The following HIVEP1 variants were observed in gnomAD, a reference collection of about 807,000 sequenced individuals.
HIVEP1 encodes the protein HIVEP zinc finger 1.
In HIVEP1, 36 loss-of-function variants were observed where a neutral mutation model predicts 180.0. That is an observed-to-expected ratio of 0.20 (90% CI 0.15 to 0.26). HIVEP1 has a LOEUF of 0.26. HIVEP1 is among the 10% of genes least tolerant of loss of function. HIVEP1 has a pLI of 1.00. For missense variants in HIVEP1, 3,143 were observed against 3,268.7 expected (o/e 0.96, Z 0.94); for synonymous variants, 1,239 against 1,239.0 (o/e 1.00, Z 0.00).
chr6:12,099,632 T>TG (rs1773993217), intron 3 of HIVEP1, among the ~76,000 whole-genome samples: 1 of 152,110 alleles, frequency 6.6e-6, no homozygotes, highest in Non-Finnish European at 1.5e-5. Flanking sequence ...CACCTCTGCC[T>TG]GGGGTCTCCT....
chr6:12,148,644 C>T (rs1476052608), intron 7 of HIVEP1, among the ~76,000 whole-genome samples: 1 of 152,118 alleles, frequency 6.6e-6, no homozygotes, highest in Non-Finnish European at 1.5e-5. Flanking sequence ...TGCTAGAAAC[C>T]ACACCGGGAT....
At chr6:12,015,384 A>T in intron 1 of HIVEP1, 142 bp from the exon 2 acceptor site, 1 of 391,768 alleles carries the variant, frequency 2.6e-6, no homozygotes, top group Non-Finnish European at 4.5e-6. Flanking sequence ...GTTTAATTAA[A>T]AGTTAGTAAT....
rs1388130999 is a variant in HIVEP1 at position 12,012,581 on chromosome 6, C to T, written c.-104+15C>T. On this transcript the variant is annotated intron_variant, in intron 1 of 8. Transcript: ENST00000379388. ...CCTGGCAGCAGGTTCGGCGCGGGCT[C>T]CGCGGCGGGGGCGCTGCAGCTGGGG... 1 of 145,838 alleles carries T rather than the reference C, an allele frequency of 6.9e-6. No individual in the cohort carries two copies. Among genetic ancestry groups the T allele is most frequent in the African/African-American group, 2.6e-5 (1 of 38,264 alleles). 9.0% of individuals were successfully genotyped at this position (145,838 alleles called of 1,614,324 possible).
At chr6:12,016,098 T>G (rs1396493259) in intron 2 of HIVEP1, among the ~76,000 whole-genome samples, 1 of 152,106 alleles carries the variant, frequency 6.6e-6, no homozygotes, top group East Asian at 1.9e-4. Flanking sequence ...ATTAACAAGA[T>G]AAGAAGTGAA....
the HIVEP1 span, among the ~76,000 whole-genome samples, chr6:12,206,398 G>C: frequency 6.6e-6 from 1 of 152,122 alleles, no homozygotes; most frequent in Non-Finnish European, 1.5e-5. Context: ...GCCTCTCAAA[G>C]TGCTGGGATT....
In HIVEP1 at chr6:12,091,692, TTTTCTC is replaced by T. The variant is rs765120792; in HGVS notation, c.94+2459_94+2464del. On this transcript the variant is annotated intron_variant, in intron 3 of 8. Transcript: ENST00000379388. ...TATGTTAATGTACTTATTTTATTCTTTTTCTCTTTTGAATGAAAATCAGATGACTTT... is the reference window on the plus strand; with the variant it reads ...TATGTTAATGTACTTATTTTATTCTTTTTTGAATGAAAATCAGATGACTTT... 1.8e-4 allele frequency among the ~76,000 whole-genome samples: 27 copies of T among 152,162 alleles called. 1 individual carries two copies. The highest frequency in any genetic ancestry group is 3.7e-4 in the Non-Finnish European group (25 of 67,992).
At chr6:12,108,764 G>T (rs1056482498) in intron 3 of HIVEP1, among the ~76,000 whole-genome samples, 13 of 152,126 alleles carry the variant, frequency 8.5e-5, no homozygotes, top group African/African-American at 2.2e-4. Flanking sequence ...TCCCGCTCGC[G>T]CCTCTCCCTC....
chr6:12,020,894 T>TTTTC (rs1768148960), intron 2 of HIVEP1, among the ~76,000 whole-genome samples: 1 of 99,938 alleles, frequency 1.0e-5, no homozygotes, highest in African/African-American at 4.1e-5. Context: ...TTCTTTCTTT[T>TTTTC]TTTTTTTTTT....
the HIVEP1 span, among the ~76,000 whole-genome samples, chr6:12,188,964 A>G: frequency 6.6e-6 from 1 of 152,024 alleles, no homozygotes; most frequent in East Asian, 1.9e-4. Context: ...ACAGTTTATT[A>G]TTGACAAATA....
At chr6:12,128,807 G>A (rs914153709) in intron 4 of HIVEP1, among the ~76,000 whole-genome samples, 5 of 152,116 alleles carry the variant, frequency 3.3e-5, no homozygotes, top group Non-Finnish European at 5.9e-5. Context: ...TTTGACGTTC[G>A]TTACCTTTTT....
chr6:12,157,639 C>T lies in HIVEP1; in HGVS notation c.6488-3800C>T, dbSNP rs151149672. On this transcript the variant is annotated intron_variant, in intron 7 of 8. Coordinates refer to ENST00000379388, the MANE Select transcript of HIVEP1 (RefSeq NM_002114.4). ...TGTGAACGCACAGTACATTGTTTTA[C>T]ACATTCAGGTATCTTTTAGAGCAAT... Among the ~76,000 whole-genome samples, 461 of 152,228 alleles carry T rather than the reference C, an allele frequency of 3.0e-3. 4 individuals are homozygous for T. Among genetic ancestry groups the T allele is most frequent in the African/African-American group, 0.01 (433 of 41,538 alleles).
chr6:12,030,753 A>T (rs1173916069), intron 2 of HIVEP1, among the ~76,000 whole-genome samples: 1 of 152,224 alleles, frequency 6.6e-6, no homozygotes, highest in Non-Finnish European at 1.5e-5. Flanking sequence ...ATCTCATCCT[A>T]TTAAATCCAG....
chr6:12,189,234 C>T, the HIVEP1 span, among the ~76,000 whole-genome samples: 1 of 151,152 alleles, frequency 6.6e-6, no homozygotes, highest in Non-Finnish European at 1.5e-5. Flanking sequence ...ATGAAAATAC[C>T]AGTAAAAAGA....
the HIVEP1 span, among the ~76,000 whole-genome samples, chr6:12,186,350 A>G: frequency 1.3e-5 from 2 of 151,686 alleles, no homozygotes; most frequent in Non-Finnish European, 2.9e-5. Flanking sequence ...AAAGACTATT[A>G]AATATATATG....
At chr6:12,012,242 GCC>G (rs1415124772), upstream of HIVEP1, 1 of 134,784 alleles carries the variant, frequency 7.4e-6, no homozygotes, top group African/African-American at 2.7e-5. Context: ...CCGCCCGCGC[GCC>G]CCGCGCTCCC....
chr6:12,058,889 C>G lies in HIVEP1; in HGVS notation c.41-30295C>G, dbSNP rs115773987. ...ATATGTATTGATTTAGTACCTTGCT[C>G]TGTGTAGTTAACAGCTGCTTTATGT... On this transcript the variant is annotated intron_variant, in intron 2 of 8. Coordinates refer to ENST00000379388, the MANE Select transcript of HIVEP1 (RefSeq NM_002114.4). Among the ~76,000 whole-genome samples, 777 of 151,978 alleles carry G rather than the reference C, an allele frequency of 5.1e-3. 5 individuals carry two copies. The highest frequency in any genetic ancestry group is 0.017 in the African/African-American group (702 of 41,466).
chr6:12,008,616 T>G (rs952446026), upstream of HIVEP1: 1 of 151,666 alleles, frequency 6.6e-6, no homozygotes, highest in Non-Finnish European at 1.5e-5. Flanking sequence ...GCAAGTGAAG[T>G]GCGGAAGATC....
chr6:12,050,173 C>A (rs1026569256), intron 2 of HIVEP1, among the ~76,000 whole-genome samples: 1 of 152,220 alleles, frequency 6.6e-6, no homozygotes, highest in Non-Finnish European at 1.5e-5. Context: ...TATTAGTAAA[C>A]CGCGATTGGG....
upstream of HIVEP1, among the ~76,000 whole-genome samples, chr6:12,011,066 C>A (rs1175768920): frequency 1.3e-5 from 2 of 152,190 alleles, no homozygotes; most frequent in East Asian, 1.9e-4. Flanking sequence ...TCTGGAATAA[C>A]CTTGGCTTTC....
Sources: gnomAD v4.1 joint callset for allele counts (sites outside exome capture counted in the v4.1 genomes callset) on GRCh38, gnomAD v4.1.1 for gene constraint, MANE v1.5 for transcripts, NCBI Gene and HGNC (gene_info 2026-07-23, HGNC 2026-07-21) for gene names.